Variants in POFUT3 observed in about 807,000 individuals in gnomAD.
The protein encoded by POFUT3 is GDP-fucose protein O-fucosyltransferase 3.
chr8:33,353,629 A>G, the POFUT3 span, among the ~76,000 whole-genome samples: 2 of 152,154 alleles, frequency 1.3e-5, no homozygotes, highest in East Asian at 3.9e-4. Flanking sequence ...CTGTGAGGAC[A>G]TGGGGAATGT....
chr8:33,442,197 C>A, the POFUT3 span, among the ~76,000 whole-genome samples: 1 of 152,030 alleles, frequency 6.6e-6, no homozygotes, highest in African/African-American at 2.4e-5. Flanking sequence ...GAACTCCTGA[C>A]CTTGTGATCT....
chr8:33,320,193 A>G, the POFUT3 span, among the ~76,000 whole-genome samples: 1 of 151,970 alleles, frequency 6.6e-6, no homozygotes, highest in African/African-American at 2.4e-5. Flanking sequence ...TTTGATTGCT[A>G]AGACATATGG....
At chr8:33,402,912 T>A in the POFUT3 span, among the ~76,000 whole-genome samples, 1 of 151,842 alleles carries the variant, frequency 6.6e-6, no homozygotes, top group Non-Finnish European at 1.5e-5. Flanking sequence ...TTTTTAAAAA[T>A]CAGCCAGGTG....
the POFUT3 span, among the ~76,000 whole-genome samples, chr8:33,384,586 G>A: frequency 2.0e-5 from 3 of 152,058 alleles, no homozygotes; most frequent in African/African-American, 4.8e-5. Flanking sequence ...ATGGGAGGCC[G>A]AGGTGGGTGG....
the POFUT3 span, among the ~76,000 whole-genome samples, chr8:33,429,185 A>G: frequency 6.6e-6 from 1 of 152,160 alleles, no homozygotes; most frequent in African/African-American, 2.4e-5. Context: ...AATGATGCCA[A>G]TGTCAGAGAT....
chr8:33,309,060 G>A, the POFUT3 span, among the ~76,000 whole-genome samples: 9 of 146,300 alleles, frequency 6.2e-5, no homozygotes, highest in Non-Finnish European at 1.3e-4. Context: ...CCATAGTCTG[G>A]TGAGTGTAGT....
At chr8:33,396,110 C>A in the POFUT3 span, among the ~76,000 whole-genome samples, 24 of 152,134 alleles carry the variant, frequency 1.6e-4, 1 homozygote, top group Admixed American at 1.6e-3. Context: ...GTAGCAGTGA[C>A]AATAACCTGG....
At chr8:33,308,090 C>T in the POFUT3 span, among the ~76,000 whole-genome samples, 18 of 152,026 alleles carry the variant, frequency 1.2e-4, no homozygotes, top group East Asian at 5.8e-4. Flanking sequence ...TTATTGCATA[C>T]GCACAAGTAA....
At chr8:33,401,244 C>T in the POFUT3 span, among the ~76,000 whole-genome samples, 1 of 152,150 alleles carries the variant, frequency 6.6e-6, no homozygotes, top group African/African-American at 2.4e-5. Flanking sequence ...CCTCAGCCTC[C>T]CAAAGTGCTG....
the POFUT3 span, among the ~76,000 whole-genome samples, chr8:33,403,586 T>G: frequency 5.9e-5 from 9 of 152,022 alleles, no homozygotes; most frequent in Non-Finnish European, 1.2e-4. Context: ...GGTGTGGCAG[T>G]GCATGCCTGT....
At chr8:33,345,935 C>T in the POFUT3 span, among the ~76,000 whole-genome samples, 967 of 151,074 alleles carry the variant, frequency 6.4e-3, 3 homozygotes, top group Middle Eastern at 0.031. Flanking sequence ...AAGTGATTCT[C>T]CTGCCTCAGC....
chr8:33,437,718 G>A, the POFUT3 span, among the ~76,000 whole-genome samples: 1 of 152,240 alleles, frequency 6.6e-6, no homozygotes, highest in East Asian at 1.9e-4. Flanking sequence ...GGCTGAGGCA[G>A]GAGAATCGCT....
the POFUT3 span, among the ~76,000 whole-genome samples, chr8:33,440,479 C>A: frequency 6.6e-6 from 1 of 152,070 alleles, no homozygotes; most frequent in African/African-American, 2.4e-5. Flanking sequence ...CCACTATAAC[C>A]CCCCCGCACC....
the POFUT3 span, among the ~76,000 whole-genome samples, chr8:33,454,112 G>A: frequency 6.6e-6 from 1 of 152,136 alleles, no homozygotes; most frequent in African/African-American, 2.4e-5. Flanking sequence ...GGGCAACAGA[G>A]CAAGACCTTG....
At chr8:33,406,825 A>G in the POFUT3 span, among the ~76,000 whole-genome samples, 2 of 152,138 alleles carry the variant, frequency 1.3e-5, no homozygotes, top group Non-Finnish European at 1.5e-5. Context: ...TCAGCTCGCC[A>G]AAGTGATTAC....
chr8:33,340,555 T>C, the POFUT3 span, among the ~76,000 whole-genome samples: 1 of 151,820 alleles, frequency 6.6e-6, no homozygotes, highest in Non-Finnish European at 1.5e-5. Context: ...TAAACTATAC[T>C]GATATAGGTA....
chr8:33,449,736 C>T, the POFUT3 span, among the ~76,000 whole-genome samples: 2 of 151,904 alleles, frequency 1.3e-5, no homozygotes, highest in Non-Finnish European at 2.9e-5. Flanking sequence ...TTTCCCTTAC[C>T]CAGAACTAAG....
At chr8:33,403,489 G>A in the POFUT3 span, among the ~76,000 whole-genome samples, 1 of 152,168 alleles carries the variant, frequency 6.6e-6, no homozygotes, top group East Asian at 1.9e-4. Flanking sequence ...GCCGAGGCAG[G>A]AGAATCATTT....
chr8:33,391,050 C>T, the POFUT3 span, among the ~76,000 whole-genome samples: 4 of 151,820 alleles, frequency 2.6e-5, no homozygotes, highest in South Asian at 4.2e-4. Context: ...TATAAGGAAA[C>T]GGGAAAAAAT....
Sources: gnomAD v4.1 joint callset for allele counts (sites outside exome capture counted in the v4.1 genomes callset) on GRCh38, gnomAD v4.1.1 for gene constraint, MANE v1.5 for transcripts, NCBI Gene and HGNC (gene_info 2026-07-23, HGNC 2026-07-21) for gene names.